Variants in CADM2 observed in about 807,000 individuals in gnomAD.
The protein encoded by CADM2 is immunoglobulin superfamily member 4D.
A neutral mutation model predicts 49.8 loss-of-function variants in CADM2; 12 were observed. The ratio of observed to expected loss-of-function variants is 0.24; its 90% CI spans 0.15 to 0.39. The LOEUF (loss-of-function observed/expected upper bound fraction) is 0.39. Ranked by LOEUF, CADM2 falls within the 10% of genes least tolerant of loss-of-function variation. The probability of loss-of-function intolerance (pLI) is 1.00; values close to 1 mark genes in which losing one functional copy is unlikely to be tolerated. For synonymous variants in CADM2, 214 were observed against 175.4 expected, an observed-to-expected ratio of 1.22 and a Z score of -1.74; for missense variants, 378 against 492.3, an observed-to-expected ratio of 0.77 and a Z score of 2.20.
intron 1 of CADM2, among the ~76,000 whole-genome samples, chr3:85,409,378 G>T (rs753320365): frequency 6.6e-6 from 1 of 152,150 alleles, no homozygotes; most frequent in East Asian, 1.9e-4. Flanking sequence ...AATTTTTCTG[G>T]TCAGCATCAT....
At chr3:85,913,726 T>A (rs995634887) in intron 6 of CADM2, among the ~76,000 whole-genome samples, 1 of 152,158 alleles carries the variant, frequency 6.6e-6, no homozygotes, top group Non-Finnish European at 1.5e-5. Context: ...AAAAAATAAA[T>A]AAATGGAACA....
intron 8 of CADM2, among the ~76,000 whole-genome samples, chr3:85,981,733 C>T (rs1297295802): frequency 6.6e-6 from 1 of 151,758 alleles, no homozygotes; most frequent in Non-Finnish European, 1.5e-5. Flanking sequence ...ATATGTACCA[C>T]ATTTTCTTCA....
At chr3:85,750,380 G>T (rs2068811498) in intron 2 of CADM2, among the ~76,000 whole-genome samples, 2 of 152,024 alleles carry the variant, frequency 1.3e-5, no homozygotes, top group South Asian at 2.1e-4. Flanking sequence ...CTTTAAGCTT[G>T]CAATTGGAAA....
intron 1 of CADM2, among the ~76,000 whole-genome samples, chr3:85,024,818 A>G (rs1172499205): frequency 6.6e-6 from 1 of 152,060 alleles, no homozygotes; most frequent in Non-Finnish European, 1.5e-5. Flanking sequence ...TTGATTCAGA[A>G]GGGAAATTTG....
intron 1 of CADM2, among the ~76,000 whole-genome samples, chr3:85,715,425 T>C (rs532761128): frequency 6.6e-6 from 1 of 152,340 alleles, no homozygotes; most frequent in South Asian, 2.1e-4. Flanking sequence ...AGTAACTAAT[T>C]AGAACAAAAC....
chr3:85,124,468 G>A (rs1184421252), intron 1 of CADM2, among the ~76,000 whole-genome samples: 10 of 151,864 alleles, frequency 6.6e-5, no homozygotes, highest in South Asian at 4.2e-4. Context: ...AGCTGGGCAC[G>A]GTGGTGCATG....
At chr3:85,674,163 G>A (rs941387203) in intron 1 of CADM2, among the ~76,000 whole-genome samples, 1 of 152,032 alleles carries the variant, frequency 6.6e-6, no homozygotes, top group Non-Finnish European at 1.5e-5. Flanking sequence ...TAAAAAAAAT[G>A]GCAGACACAC....
rs1333908810 is a variant in CADM2, at chr3:85,609,002, T to G, written c.62-117520T>G. ...AATTATGATTAAAAATATTTACAAT[T>G]TTTTTGTTCTACTTGAATTTTTTTG... On this transcript the variant is annotated intron_variant, in intron 1 of 9. Coordinates refer to ENST00000383699, the MANE Select transcript of CADM2 (RefSeq NM_001167675.2). 3.9e-5 allele frequency among the ~76,000 whole-genome samples: 6 copies of G among 152,256 alleles called. No homozygotes were observed. In the South Asian group the frequency reaches 1.2e-3, roughly 32 times the overall value.
At chr3:85,138,964 GA>G (rs1482039920) in intron 1 of CADM2, among the ~76,000 whole-genome samples, 3 of 152,126 alleles carry the variant, frequency 2.0e-5, no homozygotes. Context: ...AAAAATGGTA[GA>G]AACAGTGGAA....
chr3:86,010,709 TA>T (rs1299771850), intron 8 of CADM2, among the ~76,000 whole-genome samples: 12 of 151,248 alleles, frequency 7.9e-5, no homozygotes, highest in African/African-American at 2.9e-4. Flanking sequence ...ATAATAAAGA[TA>T]AAATTAGAAA....
chr3:85,155,773 A>G (rs1203467175), intron 1 of CADM2, among the ~76,000 whole-genome samples: 1 of 152,230 alleles, frequency 6.6e-6, no homozygotes, highest in Non-Finnish European at 1.5e-5. Flanking sequence ...ACTAGAACTC[A>G]GGATTAAGAA....
chr3:85,801,167 T>C (rs2072004877), intron 2 of CADM2, among the ~76,000 whole-genome samples: 1 of 152,182 alleles, frequency 6.6e-6, no homozygotes, highest in Non-Finnish European at 1.5e-5. Flanking sequence ...TTATGTATTA[T>C]GTATCCGTGT....
chr3:86,019,378 T>G (rs1419442549), intron 8 of CADM2, among the ~76,000 whole-genome samples: 1 of 147,766 alleles, frequency 6.8e-6, no homozygotes, highest in Non-Finnish European at 1.5e-5. Flanking sequence ...TTTGGTTCCA[T>G]ATGAACTTTA....
At chr3:85,613,273 G>T (rs1438200826) in intron 1 of CADM2, among the ~76,000 whole-genome samples, 1 of 151,492 alleles carries the variant, frequency 6.6e-6, no homozygotes, top group African/African-American at 2.4e-5. Flanking sequence ...AGGATTTGAT[G>T]TTTAAAATTC....
intron 1 of CADM2, among the ~76,000 whole-genome samples, chr3:85,143,207 G>T (rs1353068510): frequency 7.2e-5 from 11 of 152,200 alleles, no homozygotes; most frequent in Admixed American, 7.2e-4. Context: ...GTGTGACTGA[G>T]TGTGGTGGCT....
chr3:85,061,235 T>C (rs2036300893), intron 1 of CADM2, among the ~76,000 whole-genome samples: 1 of 152,134 alleles, frequency 6.6e-6, no homozygotes, highest in South Asian at 2.1e-4. Flanking sequence ...TATACCCTTG[T>C]CAATAAAAAC....
chr3:85,783,583 T>G (rs1028309783), intron 2 of CADM2, among the ~76,000 whole-genome samples: 2 of 152,182 alleles, frequency 1.3e-5, no homozygotes, highest in African/African-American at 4.8e-5. Context: ...TCCTGTGTCC[T>G]GGAGCTACAC....
rs558827478 is a variant in CADM2 at position 85,481,238 on chromosome 3, A to ATG, written c.62-245283_62-245282insGT. ...CAAATTATATATATTGGATATATAT[A>ATG]TATATATATGTTTTGTATCACAATC... On this transcript the variant is annotated intron_variant, in intron 1 of 9. Coordinates refer to ENST00000383699, the MANE Select transcript of CADM2 (RefSeq NM_001167675.2). Among the ~76,000 whole-genome samples the ATG allele has an allele frequency of 1.9e-4, 28 of 149,036 alleles. 1 individual carries two copies. The highest frequency in any genetic ancestry group is 6.3e-4 in the South Asian group (3 of 4,758).
chr3:85,621,534 A>G (rs1362135034), intron 1 of CADM2, among the ~76,000 whole-genome samples: 1 of 152,186 alleles, frequency 6.6e-6, no homozygotes, highest in Non-Finnish European at 1.5e-5. Context: ...TATACTTGAA[A>G]TGTAATTATG....
Sources: gnomAD v4.1 joint callset for allele counts (sites outside exome capture counted in the v4.1 genomes callset) on GRCh38, gnomAD v4.1.1 for gene constraint, MANE v1.5 for transcripts, NCBI Gene and HGNC (gene_info 2026-07-23, HGNC 2026-07-21) for gene names.